Variants in NBAS observed in about 807,000 individuals in gnomAD.
NBAS encodes NBAS subunit of NRZ tethering complex.
NBAS carries 219 observed loss-of-function variants against 302.5 expected under a neutral mutation model. The observed-to-expected ratio is 0.72, with a 90% CI of 0.65 to 0.81. NBAS has a LOEUF of 0.81. Among genes scored for constraint, NBAS ranks in the 30% least tolerant of loss-of-function variants. NBAS has a pLI of 0.00. For synonymous variants in NBAS, 1,118 were observed against 1,021.6 expected, an observed-to-expected ratio of 1.09 and a Z score of -1.80; for missense variants, 2,932 against 2,841.6, an observed-to-expected ratio of 1.03 and a Z score of -0.72.
chr2:15,053,830 C>T, the NBAS span, among the ~76,000 whole-genome samples: 1 of 151,822 alleles, frequency 6.6e-6, no homozygotes, highest in Admixed American at 6.6e-5. Context: ...TACCTCAAGA[C>T]ACGTTAGAGA....
the NBAS span, among the ~76,000 whole-genome samples, chr2:14,908,372 TAATAATAAA>T: frequency 6.6e-6 from 1 of 152,034 alleles, no homozygotes; most frequent in East Asian, 1.9e-4. Context: ...CAAAATATAA[TAATAATAAA>T]AATAATAAAG....
chr2:14,934,020 T>A, the NBAS span, among the ~76,000 whole-genome samples: 4 of 152,314 alleles, frequency 2.6e-5, no homozygotes, highest in South Asian at 8.3e-4. Flanking sequence ...TGGAGAGTAG[T>A]GTAATGTGCT....
intron 11 of NBAS, among the ~76,000 whole-genome samples, chr2:15,497,848 T>A (rs2148625803): frequency 6.6e-6 from 1 of 152,322 alleles, no homozygotes; most frequent in South Asian, 2.1e-4. Flanking sequence ...TGAGTAGGTA[T>A]TGAAATTACT....
chr2:15,215,320 A>T lies in NBAS; in HGVS notation c.6432+3453T>A, dbSNP rs757168119. On this transcript the variant is annotated intron_variant, in intron 48 of 51. Coordinates refer to ENST00000281513, the MANE Select transcript of NBAS (RefSeq NM_015909.4). The stretch of plus-strand genomic sequence containing the variant: ...TCCGAGAACCAGTGAGGTAGCAAGA[A>T]CCAGAGACTCTGTGTTTAATTTTGC... Among the ~76,000 whole-genome samples the T allele has an allele frequency of 5.2e-4, 79 of 152,334 alleles. No individual in the cohort carries two copies. In the Middle Eastern group the frequency reaches 0.014, roughly 26 times the overall value.
intron 44 of NBAS, among the ~76,000 whole-genome samples, chr2:15,259,759 G>A (rs1182985439): frequency 6.6e-6 from 1 of 152,212 alleles, no homozygotes; most frequent in East Asian, 1.9e-4. Context: ...TGCAAACCAA[G>A]ATGGTTCAGT....
intron 8 of NBAS, among the ~76,000 whole-genome samples, chr2:15,535,336 A>G (rs544771578): frequency 6.6e-6 from 1 of 152,052 alleles, no homozygotes; most frequent in Non-Finnish European, 1.5e-5. Flanking sequence ...CCTGACTAAC[A>G]TGATGAAACC....
intron 35 of NBAS, among the ~76,000 whole-genome samples, chr2:15,348,466 A>G (rs894710142): frequency 4.6e-5 from 7 of 152,142 alleles, no homozygotes; most frequent in Non-Finnish European, 1.0e-4. Context: ...GGCCAGGCTG[A>G]CATTTTATAA....
chr2:15,326,497 T>A (rs1484192622), intron 38 of NBAS, among the ~76,000 whole-genome samples: 1 of 152,202 alleles, frequency 6.6e-6, no homozygotes, highest in Non-Finnish European at 1.5e-5. Flanking sequence ...ACTACCTTGA[T>A]AACCATTCAT....
intron 28 of NBAS, 46 bp from the exon 29 acceptor site, chr2:15,383,363 T>C (rs1349528650): frequency 1.3e-6 from 2 of 1,547,612 alleles, no homozygotes; most frequent in Non-Finnish European, 1.8e-6. Flanking sequence ...AAGAAAACAA[T>C]TAAAATCTCT....
rs142111563 is a variant in NBAS, at chr2:15,481,514, G to T, written c.1084-3225C>A. The stretch of plus-strand genomic sequence containing the variant: ...CCCCATGACCCACAAGAAAGCTCCT[G>T]GCACCATGTGAATACATTTCAAGAA... On this transcript the variant is annotated intron_variant, in intron 12 of 51. Coordinates refer to ENST00000281513, the MANE Select transcript of NBAS (RefSeq NM_015909.4). Among the ~76,000 whole-genome samples the T allele has an allele frequency of 3.3e-3, 507 of 152,214 alleles. 2 individuals carry two copies. The highest frequency in any genetic ancestry group is 0.011 in the African/African-American group (466 of 41,520).
the NBAS span, among the ~76,000 whole-genome samples, chr2:14,993,722 C>T: frequency 2.6e-5 from 4 of 152,162 alleles, no homozygotes; most frequent in Admixed American, 6.5e-5. Flanking sequence ...AAAACTAAAT[C>T]CAACTCAAAC....
chr2:15,507,699 A>G (rs992067377), intron 10 of NBAS, among the ~76,000 whole-genome samples: 1 of 152,232 alleles, frequency 6.6e-6, no homozygotes, highest in Non-Finnish European at 1.5e-5. Context: ...GTTATAGCTC[A>G]TTGCACTTAT....
chr2:15,271,743 T>C (rs1669334776), intron 44 of NBAS, among the ~76,000 whole-genome samples: 1 of 152,210 alleles, frequency 6.6e-6, no homozygotes. Context: ...TCCCCATTAC[T>C]AACCACCTAA....
the NBAS span, among the ~76,000 whole-genome samples, chr2:14,912,703 T>TAAAA: frequency 1.7e-4 from 13 of 78,566 alleles, no homozygotes; most frequent in African/African-American, 4.3e-4. Flanking sequence ...CATTCATTTT[T>TAAAA]AAAAAAAAAA....
the NBAS span, among the ~76,000 whole-genome samples, chr2:14,998,609 G>A: frequency 6.6e-6 from 1 of 152,162 alleles, no homozygotes; most frequent in Non-Finnish European, 1.5e-5. Context: ...GGCTACTCTG[G>A]GGGATTCATG....
chr2:15,014,514 T>C, the NBAS span, among the ~76,000 whole-genome samples: 1 of 152,084 alleles, frequency 6.6e-6, no homozygotes, highest in Non-Finnish European at 1.5e-5. Flanking sequence ...AAATTCAACA[T>C]GTTCCTGACT....
the NBAS span, among the ~76,000 whole-genome samples, chr2:14,823,354 T>A: frequency 6.6e-6 from 1 of 152,356 alleles, no homozygotes; most frequent in Non-Finnish European, 1.5e-5. Context: ...ACTGAAGTTT[T>A]CATTTCTCCA....
chr2:14,896,650 A>G, the NBAS span, among the ~76,000 whole-genome samples: 1 of 152,014 alleles, frequency 6.6e-6, no homozygotes, highest in African/African-American at 2.4e-5. Flanking sequence ...CTGACTGTAC[A>G]TCAGTACTGC....
chr2:15,505,728 C>T lies in NBAS; in HGVS notation c.886-1515G>A, dbSNP rs76746774. 7.7e-3 allele frequency among the ~76,000 whole-genome samples: 1,166 copies of T among 152,196 alleles called. 19 individuals carry two copies. Among genetic ancestry groups the T allele is most frequent in the East Asian group, 0.056 (292 of 5,176 alleles). ...AGACATGAGAAGACAAAAGTCAACACGTGTCAACAAAGGGAAATTATGGCT... is the reference window on the plus strand; with the variant it reads ...AGACATGAGAAGACAAAAGTCAACATGTGTCAACAAAGGGAAATTATGGCT... On this transcript the variant is annotated intron_variant, in intron 10 of 51. Transcript: ENST00000281513.
Sources: allele counts gnomAD v4.1 joint callset (sites outside exome capture counted in the v4.1 genomes callset), GRCh38; gene constraint gnomAD v4.1.1; transcripts MANE v1.5; gene names NCBI Gene and HGNC (gene_info 2026-07-23, HGNC 2026-07-21).